Variants in PLEKHA7 observed in about 807,000 individuals in gnomAD.
The protein encoded by PLEKHA7 is pleckstrin homology domain-containing family A member 7.
Under a neutral mutation model 170.0 loss-of-function variants are expected in PLEKHA7, and 104 were observed. The ratio of observed to expected loss-of-function variants is 0.61; its 90% CI spans 0.52 to 0.72. PLEKHA7 has a LOEUF of 0.72. Ranked by LOEUF, PLEKHA7 falls within the 30% of genes least tolerant of loss-of-function variation. The probability of loss-of-function intolerance (pLI) is 0.00; values close to 1 mark genes in which losing one functional copy is unlikely to be tolerated. For synonymous variants in PLEKHA7, 648 were observed against 660.8 expected (o/e 0.98, Z 0.30); for missense variants, 1,615 against 1,671.7 (o/e 0.97, Z 0.59).
At chr11:16,940,281 G>GTTTT (rs71047516) in intron 3 of PLEKHA7, among the ~76,000 whole-genome samples, 9 of 110,408 alleles carry the variant, frequency 8.2e-5, no homozygotes, top group African/African-American at 9.9e-5. Flanking sequence ...TTCTTCTGCT[G>GTTTT]TTTTTTTTTT....
At chr11:16,955,630 T>C (rs146538456) in intron 3 of PLEKHA7, among the ~76,000 whole-genome samples, 31 of 152,264 alleles carry the variant, frequency 2.0e-4, no homozygotes, top group Non-Finnish European at 1.9e-4. Context: ...AATAACTGCT[T>C]AGATGGAGCT....
At chr11:16,860,869 G>C (rs985411675) in intron 4 of PLEKHA7, among the ~76,000 whole-genome samples, 2 of 152,198 alleles carry the variant, frequency 1.3e-5, no homozygotes, top group African/African-American at 4.8e-5. Flanking sequence ...TCCTCCACAA[G>C]TCACATCAGT....
In PLEKHA7 at chr11:16,794,577, G is replaced by C; in HGVS notation, c.2656C>G (p.Gln886Glu). ...TGAGGTCGGTACGGCACGTAGGTTTGCAGCTGGGGGAAGAGTCGAACCTCC... is the reference window on the plus strand; with the variant it reads ...TGAGGTCGGTACGGCACGTAGGTTTCCAGCTGGGGGAAGAGTCGAACCTCC... ...PLEVRLFPQL[Q>E]TYVPYRPHPP... Residue 886 changes from glutamine (Q) to glutamate (E), a missense_variant, in exon 19 of 27, where the codon CAA (glutamine) becomes GAA (glutamate). Transcript: ENST00000531066. 6.2e-7 allele frequency: 1 copy of C among 1,613,590 alleles called. No homozygotes were observed. Among genetic ancestry groups the C allele is most frequent in the Non-Finnish European group, 8.5e-7 (1 of 1,179,740 alleles).
At chr11:16,840,289 G>A (rs758711423) in intron 9 of PLEKHA7, among the ~76,000 whole-genome samples, 2 of 152,166 alleles carry the variant, frequency 1.3e-5, no homozygotes, top group East Asian at 1.9e-4. Flanking sequence ...GGCCGGGCGT[G>A]GTGGCTCATG....
chr11:16,795,983 C>A (rs1848206018), intron 17 of PLEKHA7, among the ~76,000 whole-genome samples: 1 of 150,776 alleles, frequency 6.6e-6, no homozygotes, highest in Non-Finnish European at 1.5e-5. Flanking sequence ...AGCCTCCCAA[C>A]CAGGTAGCTG....
intron 3 of PLEKHA7, among the ~76,000 whole-genome samples, chr11:16,994,048 G>T (rs1332437223): frequency 6.6e-6 from 1 of 152,152 alleles, no homozygotes; most frequent in Non-Finnish European, 1.5e-5. Context: ...CTTCAACTGG[G>T]GACGATACAC....
chr11:16,836,461 T>A (rs1851517522), intron 9 of PLEKHA7, among the ~76,000 whole-genome samples: 1 of 152,224 alleles, frequency 6.6e-6, no homozygotes, highest in African/African-American at 2.4e-5. Flanking sequence ...AGGAAGCACC[T>A]GCCTGTATGA....
chr11:16,810,344 G>T (rs1849283672), intron 13 of PLEKHA7, among the ~76,000 whole-genome samples: 1 of 152,224 alleles, frequency 6.6e-6, no homozygotes, highest in South Asian at 2.1e-4. Context: ...TCTGAGCAGG[G>T]CAGAGCAGGC....
intron 3 of PLEKHA7, among the ~76,000 whole-genome samples, chr11:16,994,269 G>C (rs185202673): frequency 6.6e-6 from 1 of 152,218 alleles, no homozygotes; most frequent in African/African-American, 2.4e-5. Flanking sequence ...CCCCTTAGGA[G>C]GCCCTGGTGT....
In PLEKHA7 at chr11:16,803,018, AC is replaced by A; in HGVS notation, c.2110del (p.Val704SerfsTer19). 1 of 1,614,006 alleles carries A rather than the reference AC, an allele frequency of 6.2e-7. No individual in the cohort carries two copies. Among genetic ancestry groups the A allele is most frequent in the Non-Finnish European group, 8.5e-7 (1 of 1,179,984 alleles). The part of the protein sequence containing the change: ...KLSIFCEQDR[V>X]LQDLEDKIRA... ...TATCTTGTCTTCCAAGTCCTGGAGG[AC>A]CCTGTCTTGTTCACAGAAGATGCTC... is the stretch of plus-strand genomic sequence containing the variant. On this transcript the variant is annotated frameshift_variant, in exon 15 of 27. Coordinates refer to ENST00000531066, the MANE Select transcript of PLEKHA7 (RefSeq NM_001329630.2). LOFTEE classifies it high-confidence loss of function.
intron 18 of PLEKHA7, 89 bp from the exon 19 acceptor site, chr11:16,794,803 C>T: frequency 2.6e-6 from 4 of 1,523,328 alleles, no homozygotes; most frequent in South Asian, 1.1e-5. Flanking sequence ...ACCTCGAAGA[C>T]TCAACCTCCC....
intron 3 of PLEKHA7, among the ~76,000 whole-genome samples, chr11:16,964,428 A>G (rs977249585): frequency 3.3e-5 from 5 of 152,166 alleles, no homozygotes; most frequent in Non-Finnish European, 7.4e-5. Context: ...CCCACCAGCA[A>G]TGCACAACAC....
chr11:16,948,829 G>A (rs138220225), intron 3 of PLEKHA7, among the ~76,000 whole-genome samples: 3 of 152,148 alleles, frequency 2.0e-5, no homozygotes, highest in South Asian at 2.1e-4. Context: ...AGCCACCTCC[G>A]TGAAGCCCTT....
At chr11:16,982,623 A>G (rs1438485396) in intron 3 of PLEKHA7, among the ~76,000 whole-genome samples, 1 of 152,124 alleles carries the variant, frequency 6.6e-6, no homozygotes, top group Non-Finnish European at 1.5e-5. Flanking sequence ...GTGGTACCGG[A>G]GCCCCAAACA....
chr11:16,788,334 T>C (rs1849542570), intron 23 of PLEKHA7: 1 of 152,508 alleles, frequency 6.6e-6, no homozygotes, highest in Non-Finnish European at 1.5e-5. Context: ...AGTTAGAGCA[T>C]GTTCAATGCA....
intron 3 of PLEKHA7, among the ~76,000 whole-genome samples, chr11:17,010,173 A>G (rs1030519408): frequency 2.6e-5 from 4 of 152,190 alleles, no homozygotes; most frequent in African/African-American, 9.6e-5. Context: ...GGATCACTTC[A>G]GGTCAGGAGT....
At chr11:16,865,398 T>C (rs1370203401) in intron 4 of PLEKHA7, among the ~76,000 whole-genome samples, 1 of 152,090 alleles carries the variant, frequency 6.6e-6, no homozygotes, top group African/African-American at 2.4e-5. Flanking sequence ...AACAAAAAAC[T>C]GGGTAGCATA....
At chr11:16,858,617 C>T (rs897161757) in intron 4 of PLEKHA7, among the ~76,000 whole-genome samples, 8 of 151,858 alleles carry the variant, frequency 5.3e-5, no homozygotes, top group Admixed American at 3.9e-4. Context: ...CTCAGCCTAC[C>T]GAGTAGCTGG....
Position 16,871,184 on chromosome 11 carries a change from TA to T in PLEKHA7, c.222-3del. The stretch of plus-strand genomic sequence containing the variant: ...AATGCTGTGGTCTGCTGGTTATGGC[TA>T]AAGAGAAAGAGAGAAGATGGATGAG... On this transcript the variant is annotated splice_region_variant and splice_polypyrimidine_tract_variant and intron_variant, in intron 3 of 26. Coordinates refer to ENST00000531066, the MANE Select transcript of PLEKHA7 (RefSeq NM_001329630.2). The T allele has an allele frequency of 6.2e-7, 1 of 1,602,260 alleles. No individual in the cohort carries two copies. The highest frequency in any genetic ancestry group is 8.6e-7 in the Non-Finnish European group (1 of 1,169,576).
Sources: allele counts gnomAD v4.1 joint callset (sites outside exome capture counted in the v4.1 genomes callset), GRCh38; gene constraint gnomAD v4.1.1; transcripts MANE v1.5; gene names NCBI Gene and HGNC (gene_info 2026-07-23, HGNC 2026-07-21).